FNIP1: variants seen among roughly 807,000 people sequenced by gnomAD.
FNIP1 encodes folliculin interacting protein 1.
In FNIP1, 40 loss-of-function variants were observed where a neutral mutation model predicts 124.5. That is an observed-to-expected ratio of 0.32 (90% confidence interval 0.25 to 0.42). The LOEUF (loss-of-function observed/expected upper bound fraction) is 0.42. Ranked by LOEUF, FNIP1 falls within the 10% of genes least tolerant of loss-of-function variation. The pLI, the probability that FNIP1 is intolerant of heterozygous loss-of-function variation, is 1.00. For missense variants in FNIP1, 1,176 were observed against 1,403.7 expected (o/e 0.84, Z 2.59); for synonymous variants, 472 against 470.6 (o/e 1.00, Z -0.04).
In FNIP1 at chr5:131,666,818, A is replaced by C. The variant is rs17171083; in HGVS notation, c.3108+3645T>G. Among the ~76,000 whole-genome samples the C allele has an allele frequency of 8.8e-3, 1,341 of 152,360 alleles. 22 individuals carry two copies. Among genetic ancestry groups the C allele is most frequent in the African/African-American group, 0.031 (1,291 of 41,586 alleles). ...GTTGTCTTTATCTTCAGCAGGAGAC[A>C]GCAATGTTTTCCAACGCCAGGCTTT... On this transcript the variant is annotated intron_variant, in intron 15 of 17. Coordinates refer to ENST00000510461, the MANE Select transcript of FNIP1 (RefSeq NM_133372.3).
chr5:131,725,614 T>C (rs1297473854), intron 3 of FNIP1, among the ~76,000 whole-genome samples: 1 of 152,236 alleles, frequency 6.6e-6, no homozygotes, highest in Non-Finnish European at 1.5e-5. Context: ...AATGGGGTTT[T>C]CTAAATATAC....
intron 6 of FNIP1, among the ~76,000 whole-genome samples, chr5:131,712,964 T>A (rs1205099580): frequency 6.6e-6 from 1 of 152,218 alleles, no homozygotes; most frequent in Non-Finnish European, 1.5e-5. Context: ...TAGCAGTAAT[T>A]GATGCTGATT....
intron 1 of FNIP1, among the ~76,000 whole-genome samples, chr5:131,767,943 T>C (rs1443799957): frequency 2.0e-5 from 3 of 152,200 alleles, no homozygotes; most frequent in Non-Finnish European, 2.9e-5. Flanking sequence ...TCTTTAGACT[T>C]ATTTTGTCAC....
rs1024580697 is a variant in FNIP1 at position 131,643,286 on chromosome 5, G to C, written c.*1399C>G. The C allele has an allele frequency of 8.5e-5, 13 of 152,466 alleles. No homozygotes were observed. Among genetic ancestry groups the C allele is most frequent in the African/African-American group, 2.9e-4 (12 of 41,426 alleles). The allele number at this position is 152,466 out of a possible 1,614,324, so 9.4% of individuals were successfully genotyped here. Reference sequence around the variant, plus strand: ...TATTGAAAATTTAAACAGCAAGAATGGATGTGTTATATAGTAAATATATTT... The same window carrying C: ...TATTGAAAATTTAAACAGCAAGAATCGATGTGTTATATAGTAAATATATTT... On this transcript the variant is annotated 3_prime_UTR_variant, in exon 18 of 18. Transcript: ENST00000510461.
At chr5:131,750,965 C>T (rs1239260844) in intron 1 of FNIP1, among the ~76,000 whole-genome samples, 3 of 152,138 alleles carry the variant, frequency 2.0e-5, no homozygotes, top group African/African-American at 7.2e-5. Flanking sequence ...TTGGGCTTCA[C>T]TGGATATGTG....
Position 131,704,099 on chromosome 5 carries a change from C to T in FNIP1, c.1082G>A (p.Ser361Asn), listed in dbSNP as rs1768992809. ...FFFSHFPLFE[S>N]HMNKLKSAIE... ...TGCACTCTTTAATTTGTTCATGTGG[C>T]TTTCAAAGAGAGGAAAATGTGAAAA... The change falls in exon 10 of 18, where the codon AGC (serine) becomes AAC (asparagine). Residue 361 changes from serine to asparagine, a missense_variant. This residue lies in a region of FNIP1 where 1,109 missense variants were observed against 1,288.5 expected (regional missense o/e 0.86). Coordinates refer to ENST00000510461, the MANE Select transcript of FNIP1 (RefSeq NM_133372.3). The T allele has an allele frequency of 3.7e-6, 6 of 1,611,774 alleles. No individual in the cohort carries two copies. The highest frequency in any genetic ancestry group is 4.2e-6 in the Non-Finnish European group (5 of 1,178,362).
At chr5:131,766,571 A>G (rs1265758673) in intron 1 of FNIP1, among the ~76,000 whole-genome samples, 1 of 152,226 alleles carries the variant, frequency 6.6e-6, no homozygotes, top group Admixed American at 6.5e-5. Flanking sequence ...ATATACAGAT[A>G]TATGAGAGGG....
intron 1 of FNIP1, chr5:131,796,496 T>A: frequency 2.9e-6 from 1 of 339,228 alleles, no homozygotes; most frequent in Non-Finnish European, 5.4e-6. Context: ...CGCCCAACTC[T>A]ACTCGGTGCC....
At position 131,643,271 on chromosome 5, in the gene FNIP1, T is replaced by G. The variant is rs1283570091; in HGVS notation, c.*1414A>C. On this transcript the variant is annotated 3_prime_UTR_variant, in exon 18 of 18. Transcript: ENST00000510461. ...CAACTTTCCATTAACTATTGAAAATTTAAACAGCAAGAATGGATGTGTTAT... is the reference window on the plus strand; with the variant it reads ...CAACTTTCCATTAACTATTGAAAATGTAAACAGCAAGAATGGATGTGTTAT... 1.3e-5 allele frequency: 2 copies of G among 152,428 alleles called. No individual in the cohort carries two copies. The highest frequency in any genetic ancestry group is 2.9e-5 in the Non-Finnish European group (2 of 68,016). 9.4% of individuals were successfully genotyped at this position (152,428 alleles called of 1,614,324 possible). A position where few individuals can be genotyped will look rare whatever the true frequency, so the allele number is the denominator to read the frequency against.
intron 1 of FNIP1, among the ~76,000 whole-genome samples, chr5:131,790,009 A>G (rs1002160523): frequency 2.6e-5 from 4 of 152,230 alleles, no homozygotes; most frequent in African/African-American, 4.8e-5. Flanking sequence ...GGGCATCTCA[A>G]TGGCAATTAA....
chr5:131,689,030 A>G (rs905076684), intron 11 of FNIP1, among the ~76,000 whole-genome samples: 1 of 152,046 alleles, frequency 6.6e-6, no homozygotes, highest in Non-Finnish European at 1.5e-5. Context: ...ATCTACTCCT[A>G]TATATATCAT....
At chr5:131,699,628 G>A (rs1328346251) in intron 10 of FNIP1, among the ~76,000 whole-genome samples, 4 of 151,748 alleles carry the variant, frequency 2.6e-5, no homozygotes, top group East Asian at 2.0e-4. Context: ...TCCTGACCTC[G>A]TGATCCACCC....
rs536949204 is a variant in FNIP1, at chr5:131,681,838, G to A, written c.1203-2663C>T. On this transcript the variant is annotated intron_variant, in intron 11 of 17. Coordinates refer to ENST00000510461, the MANE Select transcript of FNIP1 (RefSeq NM_133372.3). ...AGAAAGCAGAAAAATTACCAGAGCC[G>A]AAGAACATGATGGTGCTATAACAAT... Among the ~76,000 whole-genome samples, 17 of 148,108 alleles carry A rather than the reference G, an allele frequency of 1.1e-4. No individual in the cohort carries two copies. The East Asian group carries it at 2.1e-3, about 19-fold the overall frequency.
chr5:131,659,310 C>T (rs1410386546), intron 15 of FNIP1, among the ~76,000 whole-genome samples: 1 of 152,208 alleles, frequency 6.6e-6, no homozygotes, highest in Non-Finnish European at 1.5e-5. Flanking sequence ...TCACAGGATT[C>T]CATGCTCAGG....
At chr5:131,755,472 G>A (rs1346533636) in intron 1 of FNIP1, among the ~76,000 whole-genome samples, 1 of 151,726 alleles carries the variant, frequency 6.6e-6, no homozygotes, top group Non-Finnish European at 1.5e-5. Flanking sequence ...ATGGTCTGAG[G>A]AGAATGGCTG....
intron 1 of FNIP1, among the ~76,000 whole-genome samples, chr5:131,763,324 C>T (rs893245947): frequency 6.6e-6 from 1 of 150,644 alleles, no homozygotes; most frequent in Non-Finnish European, 1.5e-5. Flanking sequence ...CACACACACA[C>T]ACGACTACAA....
intron 11 of FNIP1, among the ~76,000 whole-genome samples, chr5:131,680,128 G>A (rs990542505): frequency 2.6e-5 from 4 of 152,192 alleles, no homozygotes; most frequent in African/African-American, 9.7e-5. Flanking sequence ...GACTAAGGAA[G>A]GGAATTTATC....
intron 11 of FNIP1, among the ~76,000 whole-genome samples, chr5:131,682,421 A>G (rs1768119886): frequency 6.6e-6 from 1 of 152,144 alleles, no homozygotes; most frequent in African/African-American, 2.4e-5. Flanking sequence ...GTTGTCATTA[A>G]CAATCTAGAA....
At chr5:131,675,413 A>G (rs1471396954) in intron 13 of FNIP1, among the ~76,000 whole-genome samples, 1 of 152,212 alleles carries the variant, frequency 6.6e-6, no homozygotes, top group East Asian at 1.9e-4. Flanking sequence ...TGTGCTTTTT[A>G]AACAGAGCCT....
Sources: allele counts gnomAD v4.1 joint callset (sites outside exome capture counted in the v4.1 genomes callset), GRCh38; gene constraint gnomAD v4.1.1; regional missense constraint gnomAD v4.1.1; transcripts MANE v1.5; gene names NCBI Gene and HGNC (gene_info 2026-07-23, HGNC 2026-07-21).